The following MICAL2 variants were observed in gnomAD, a reference collection of about 807,000 sequenced individuals.
MICAL2 encodes the protein [F-actin]-monooxygenase MICAL2.
MICAL2 carries 77 observed loss-of-function variants against 127.3 expected under a neutral mutation model. That is an observed-to-expected ratio of 0.60 (90% CI 0.50 to 0.73). The LOEUF is 0.73. Ranked by LOEUF, MICAL2 falls within the 30% of genes least tolerant of loss-of-function variation. The pLI, the probability that MICAL2 is intolerant of heterozygous loss-of-function variation, is 0.00. For missense variants in MICAL2, 1,351 were observed against 1,434.4 expected (o/e 0.94, Z 0.94); for synonymous variants, 570 against 551.1 (o/e 1.03, Z -0.48).
chr11:12,280,815 G>T (rs1344347625), intron 1 of MICAL2: 1 of 397,596 alleles, frequency 2.5e-6, no homozygotes, highest in Non-Finnish European at 4.4e-6. Context: ...GGGCACACAG[G>T]ACTAAGCCCA....
In MICAL2 at chr11:12,350,018, C is replaced by T. The variant is rs930440589; in HGVS notation, c.5615+81C>T. ...GTGGCTTACCCTCCTAGGCCGAAGT[C>T]TCGGGACTTTTTCTCCTTGTGCATA... is the stretch of plus-strand genomic sequence containing the variant. On this transcript the variant is annotated intron_variant, in intron 33 of 34. Transcript: ENST00000646065. The T allele has an allele frequency of 9.8e-6, 11 of 1,127,556 alleles. No homozygotes were observed. In the African/African-American group the frequency reaches 1.1e-4, roughly 11 times the overall value. 69.8% of individuals were successfully genotyped at this position (1,127,556 alleles called of 1,614,324 possible). A position where few individuals can be genotyped will look rare whatever the true frequency, so the allele number is the denominator to read the frequency against.
chr11:12,338,679 G>C (rs1047111316), intron 32 of MICAL2, among the ~76,000 whole-genome samples: 2 of 152,144 alleles, frequency 1.3e-5, no homozygotes, highest in Non-Finnish European at 2.9e-5. Flanking sequence ...ACATTTGCTT[G>C]TCTGTAAAGT....
intron 1 of MICAL2, among the ~76,000 whole-genome samples, chr11:12,126,342 G>A (rs988286986): frequency 2.0e-5 from 3 of 152,184 alleles, no homozygotes; most frequent in African/African-American, 7.2e-5. Flanking sequence ...TATGTACTTT[G>A]CTTTGCCAGA....
intron 2 of MICAL2, among the ~76,000 whole-genome samples, chr11:12,142,809 A>G (rs570309409): frequency 7.2e-5 from 11 of 152,348 alleles, no homozygotes; most frequent in African/African-American, 2.4e-4. Flanking sequence ...CCATGCCCAC[A>G]AGGGCCAGGA....
At chr11:12,172,779 G>A (rs1856424571) in intron 3 of MICAL2, among the ~76,000 whole-genome samples, 1 of 151,982 alleles carries the variant, frequency 6.6e-6, no homozygotes, top group Non-Finnish European at 1.5e-5. Context: ...GAACAGGAGA[G>A]GTCAGTCTCC....
At position 12,244,522 on chromosome 11, in the gene MICAL2, T is replaced by G. The variant is rs58435441; in HGVS notation, c.2784+410T>G. ...CTGATATTTGCCTGTTTTGTCCTAA[T>G]AAGATGGCAATTTCACATGATAAAC... On this transcript the variant is annotated intron_variant, in intron 21 of 27. Transcript: ENST00000683283. Among the ~76,000 whole-genome samples, 556 of 152,354 alleles carry G rather than the reference T, an allele frequency of 3.6e-3. 6 individuals are homozygous for G. The highest frequency in any genetic ancestry group is 0.013 in the African/African-American group (532 of 41,578).
chr11:12,323,897 G>A (rs1864327282), intron 30 of MICAL2: 2 of 1,451,780 alleles, frequency 1.4e-6, no homozygotes, highest in Admixed American at 2.2e-5. Flanking sequence ...AGTTGGAGAG[G>A]GTAGAAGCCT....
At chr11:12,336,383 A>G (rs1458663021) in intron 32 of MICAL2, among the ~76,000 whole-genome samples, 2 of 152,218 alleles carry the variant, frequency 1.3e-5, no homozygotes, top group Non-Finnish European at 2.9e-5. Context: ...TAGATATACA[A>G]TCATGTCATC....
At chr11:12,119,053 T>C (rs1239845790) in intron 1 of MICAL2, among the ~76,000 whole-genome samples, 1 of 152,148 alleles carries the variant, frequency 6.6e-6, no homozygotes, top group Non-Finnish European at 1.5e-5. Flanking sequence ...TTCCTCCTCC[T>C]GTAGGGAGCC....
chr11:12,118,774 C>A (rs1273061656), intron 1 of MICAL2, among the ~76,000 whole-genome samples: 2 of 152,168 alleles, frequency 1.3e-5, no homozygotes, highest in Non-Finnish European at 2.9e-5. Flanking sequence ...GTAATTATAC[C>A]TATTACAAGA....
chr11:12,231,176 T>C (rs1473486820), intron 15 of MICAL2, among the ~76,000 whole-genome samples: 1 of 152,266 alleles, frequency 6.6e-6, no homozygotes, highest in African/African-American at 2.4e-5. Context: ...TGGTGACACC[T>C]GTACTTATGG....
intron 23 of MICAL2, chr11:12,256,218 T>G (rs529251035): frequency 1.4e-4 from 23 of 163,948 alleles, no homozygotes; most frequent in African/African-American, 5.5e-4. Flanking sequence ...TGTTTCCTTT[T>G]GGCCCATTGC....
intron 15 of MICAL2, among the ~76,000 whole-genome samples, chr11:12,227,684 G>A (rs17479419): frequency 0.39 from 59,566 of 152,076 alleles, 13,401 homozygotes; most frequent in Middle Eastern, 0.53. Flanking sequence ...TGAGGAGCTC[G>A]GAGCCTAATA....
In MICAL2 at chr11:12,118,797, G is replaced by A. The variant is rs537348332; in HGVS notation, c.-149+8071G>A. On this transcript the variant is annotated intron_variant, in intron 1 of 27. Transcript: ENST00000683283. ...ACCTATTACAAGAGCTTGATCTGGAGATGAAATTAAAATATTTGTGAAGTC... is the reference window on the plus strand; with the variant it reads ...ACCTATTACAAGAGCTTGATCTGGAAATGAAATTAAAATATTTGTGAAGTC... Among the ~76,000 whole-genome samples, 312 of 152,344 alleles carry A rather than the reference G, an allele frequency of 2.0e-3. 2 individuals are homozygous for A. The highest frequency in any genetic ancestry group is 7.3e-3 in the South Asian group (35 of 4,826).
chr11:12,175,681 G>A (rs1484899005), intron 3 of MICAL2, among the ~76,000 whole-genome samples: 1 of 152,018 alleles, frequency 6.6e-6, no homozygotes, highest in Admixed American at 6.6e-5. Context: ...TTTGATATAG[G>A]ATGTCCTGGG....
intron 1 of MICAL2, among the ~76,000 whole-genome samples, chr11:12,277,377 G>C (rs1032069585): frequency 6.6e-6 from 1 of 152,158 alleles, no homozygotes; most frequent in African/African-American, 2.4e-5. Flanking sequence ...GTGGGGAATA[G>C]GCTGCTCTCT....
At chr11:12,298,438 A>G (rs188665718) in intron 29 of MICAL2, among the ~76,000 whole-genome samples, 4 of 152,248 alleles carry the variant, frequency 2.6e-5, no homozygotes, top group Non-Finnish European at 5.9e-5. Flanking sequence ...CCTGCAAATT[A>G]TAACTTTACT....
intron 24 of MICAL2, among the ~76,000 whole-genome samples, chr11:12,268,973 T>C (rs1235113861): frequency 1.3e-5 from 2 of 151,722 alleles, no homozygotes; most frequent in African/African-American, 2.4e-5. Flanking sequence ...CACTCCAGCC[T>C]CGGCGACGAG....
At chr11:12,230,290 G>A (rs1018563744) in intron 15 of MICAL2, among the ~76,000 whole-genome samples, 2 of 152,168 alleles carry the variant, frequency 1.3e-5, no homozygotes, top group Non-Finnish European at 2.9e-5. Flanking sequence ...ACAGCCACAG[G>A]GGATGTCTGC....
Sources: gnomAD v4.1 joint callset for allele counts (sites outside exome capture counted in the v4.1 genomes callset) on GRCh38, gnomAD v4.1.1 for gene constraint, MANE v1.5 for transcripts, NCBI Gene and HGNC (gene_info 2026-07-23, HGNC 2026-07-21) for gene names.